RNF130: variants seen among roughly 807,000 people sequenced by gnomAD.
RNF130 encodes the protein E3 ubiquitin-protein ligase RNF130.
RNF130 carries 21 observed loss-of-function variants against 44.6 expected under a neutral mutation model. The observed-to-expected ratio is 0.47, with a 90% CI of 0.33 to 0.68. The LOEUF (loss-of-function observed/expected upper bound fraction) is 0.68. Among genes scored for constraint, RNF130 ranks in the 30% least tolerant of loss-of-function variants. The pLI, the probability that RNF130 is intolerant of heterozygous loss-of-function variation, is 0.02. For missense variants in RNF130, 479 were observed against 560.6 expected, an observed-to-expected ratio of 0.85 and a Z score of 1.47; for synonymous variants, 214 against 210.4, an observed-to-expected ratio of 1.02 and a Z score of -0.15.
chr5:180,006,810 C>T (rs1763472028), intron 3 of RNF130, among the ~76,000 whole-genome samples: 1 of 152,172 alleles, frequency 6.6e-6, no homozygotes, highest in Non-Finnish European at 1.5e-5. Flanking sequence ...TAACAAACAT[C>T]TACCGTTTTG....
intron 1 of RNF130, among the ~76,000 whole-genome samples, chr5:180,041,546 C>G (rs1231964373): frequency 6.6e-6 from 1 of 152,230 alleles, no homozygotes; most frequent in Non-Finnish European, 1.5e-5. Context: ...AAGCCCCCGG[C>G]TGCTCTTCCC....
chr5:180,031,223 A>T (rs1279200170), intron 2 of RNF130, among the ~76,000 whole-genome samples: 1 of 152,204 alleles, frequency 6.6e-6, no homozygotes, highest in Non-Finnish European at 1.5e-5. Flanking sequence ...ACGGTGGCTC[A>T]CGCCTGTACT....
intron 1 of RNF130, among the ~76,000 whole-genome samples, chr5:180,042,633 T>C (rs942872896): frequency 2.6e-5 from 4 of 152,240 alleles, no homozygotes; most frequent in African/African-American, 9.6e-5. Context: ...AAATGTCTAA[T>C]ACTGTATCCA....
chr5:180,035,070 T>A (rs911210856), intron 2 of RNF130, among the ~76,000 whole-genome samples: 5 of 152,216 alleles, frequency 3.3e-5, no homozygotes, highest in Admixed American at 1.3e-4. Flanking sequence ...TAATCTTTAT[T>A]AACTCCTTTG....
intron 5 of RNF130, among the ~76,000 whole-genome samples, 175 bp from the exon 6 acceptor site, chr5:179,970,681 T>C (rs931094819): frequency 2.0e-5 from 3 of 152,230 alleles, no homozygotes; most frequent in Non-Finnish European, 4.4e-5. Context: ...GAAAATCTCC[T>C]GAGCCCAACC....
chr5:180,008,977 GAA>G (rs1423568003), intron 3 of RNF130, among the ~76,000 whole-genome samples: 1 of 151,210 alleles, frequency 6.6e-6, no homozygotes, highest in Non-Finnish European at 1.5e-5. Flanking sequence ...AGTCTCAAAA[GAA>G]AAAAATACAT....
At chr5:180,003,437 T>C (rs532047450) in intron 3 of RNF130, among the ~76,000 whole-genome samples, 1 of 152,344 alleles carries the variant, frequency 6.6e-6, no homozygotes, top group Non-Finnish European at 1.5e-5. Context: ...CCTCTGAACT[T>C]TGAACACCTC....
intron 2 of RNF130, among the ~76,000 whole-genome samples, chr5:180,013,829 T>C (rs557231161): frequency 2.6e-5 from 4 of 152,324 alleles, no homozygotes; most frequent in Non-Finnish European, 1.5e-5. Context: ...GTAGAACTAG[T>C]GCCAGGAACA....
intron 2 of RNF130, among the ~76,000 whole-genome samples, chr5:180,038,211 C>T (rs753245780): frequency 6.6e-5 from 10 of 151,656 alleles, no homozygotes; most frequent in Non-Finnish European, 1.2e-4. Flanking sequence ...TGCACCATCA[C>T]ACCTGCTAAT....
At chr5:180,007,234 C>T (rs1186710741) in intron 3 of RNF130, among the ~76,000 whole-genome samples, 1 of 152,094 alleles carries the variant, frequency 6.6e-6, no homozygotes, top group Non-Finnish European at 1.5e-5. Context: ...AATCCCATCT[C>T]TACTAAAAAT....
chr5:180,060,576 C>T (rs965397639), intron 1 of RNF130, among the ~76,000 whole-genome samples: 6 of 152,192 alleles, frequency 3.9e-5, no homozygotes, highest in Admixed American at 1.3e-4. Flanking sequence ...AGGGCCTGTC[C>T]GTTCACTTGC....
intron 1 of RNF130, among the ~76,000 whole-genome samples, chr5:180,064,326 A>G (rs551160746): frequency 6.6e-6 from 1 of 152,338 alleles, no homozygotes; most frequent in East Asian, 1.9e-4. Context: ...AGCAAAGGGA[A>G]AAGAGTGGGA....
chr5:180,013,421 G>T (rs1582188242), intron 2 of RNF130, 110 bp from the exon 3 acceptor site: 2 of 991,868 alleles, frequency 2.0e-6, no homozygotes, highest in Admixed American at 2.9e-5. Flanking sequence ...TAATGGAAAG[G>T]GTATGCAAAC....
At chr5:179,940,697 T>TC (rs1176616328) in intron 7 of RNF130, among the ~76,000 whole-genome samples, 2 of 152,206 alleles carry the variant, frequency 1.3e-5, no homozygotes, top group African/African-American at 4.8e-5. Flanking sequence ...GGTTTTTTTT[T>TC]CACTCTGCTT....
intron 3 of RNF130, among the ~76,000 whole-genome samples, chr5:179,983,601 C>T (rs1311887574): frequency 1.3e-5 from 2 of 152,322 alleles, no homozygotes; most frequent in African/African-American, 2.4e-5. Flanking sequence ...TCTATTCTAA[C>T]ATCCTTGTGG....
chr5:179,985,153 C>CTTTTTTTTTTTTTTT (rs34998254), intron 3 of RNF130, among the ~76,000 whole-genome samples: 1 of 91,968 alleles, frequency 1.1e-5, no homozygotes, highest in Non-Finnish European at 2.0e-5. Context: ...TACCCCCTAA[C>CTTTTTTTTTTTTTTT]TTTTTTTTTT....
intron 3 of RNF130, among the ~76,000 whole-genome samples, chr5:179,983,010 TTGTC>T (rs1320669300): frequency 2.0e-5 from 3 of 152,232 alleles, no homozygotes; most frequent in African/African-American, 7.2e-5. Context: ...TATGTGTACA[TTGTC>T]TGTGGTGAAG....
chr5:180,034,082 T>G (rs1764194160), intron 2 of RNF130, among the ~76,000 whole-genome samples: 1 of 145,230 alleles, frequency 6.9e-6, no homozygotes, highest in Non-Finnish European at 1.5e-5. Flanking sequence ...TATTTCCTAA[T>G]GTGTTAAATG....
At chr5:179,984,536 A>C (rs1762911894) in intron 3 of RNF130, among the ~76,000 whole-genome samples, 1 of 152,216 alleles carries the variant, frequency 6.6e-6, no homozygotes, top group Non-Finnish European at 1.5e-5. Context: ...TGGCCTGCTA[A>C]TATGGTAATA....
Sources: gnomAD v4.1 joint callset for allele counts (sites outside exome capture counted in the v4.1 genomes callset) on GRCh38, gnomAD v4.1.1 for gene constraint, MANE v1.5 for transcripts, NCBI Gene and HGNC (gene_info 2026-07-23, HGNC 2026-07-21) for gene names.